ATP10B: variants seen among roughly 807,000 people sequenced by gnomAD.
The protein encoded by ATP10B is phospholipid-transporting ATPase VB.
In ATP10B, 122 loss-of-function variants were observed where a neutral mutation model predicts 141.2. The observed-to-expected ratio is 0.86, with a 90% CI of 0.75 to 1.00. The LOEUF is 1.00. ATP10B is among the 50% of genes least tolerant of loss of function. The probability of loss-of-function intolerance (pLI) is 0.00; values close to 1 mark genes in which losing one functional copy is unlikely to be tolerated. For synonymous variants in ATP10B, 685 were observed against 692.0 expected, an observed-to-expected ratio of 0.99 and a Z score of 0.16; for missense variants, 1,876 against 1,825.3, an observed-to-expected ratio of 1.03 and a Z score of -0.51.
chr5:160,667,484 C>A (rs960524030), intron 7 of ATP10B, among the ~76,000 whole-genome samples: 6 of 152,088 alleles, frequency 3.9e-5, no homozygotes, highest in African/African-American at 1.4e-4. Context: ...ATGAAAAAAA[C>A]ACTCTTGAGC....
intron 2 of ATP10B, among the ~76,000 whole-genome samples, chr5:160,782,327 G>A (rs1052176526): frequency 6.6e-5 from 10 of 151,954 alleles, no homozygotes; most frequent in Admixed American, 4.6e-4. Context: ...CAAATCTAAC[G>A]GTTGTCTGCA....
At chr5:160,721,530 A>G (rs1316792209) in intron 2 of ATP10B, among the ~76,000 whole-genome samples, 1 of 152,170 alleles carries the variant, frequency 6.6e-6, no homozygotes, top group Non-Finnish European at 1.5e-5. Context: ...GCCAGTCATC[A>G]TTATCTTTAA....
intron 1 of ATP10B, among the ~76,000 whole-genome samples, chr5:160,821,397 C>T (rs1433708652): frequency 1.3e-5 from 2 of 151,970 alleles, no homozygotes; most frequent in African/African-American, 4.8e-5. Context: ...ATTCCATGTT[C>T]ATGAATTGGA....
chr5:160,816,828 G>A (rs1266543398), intron 1 of ATP10B, among the ~76,000 whole-genome samples: 1 of 152,132 alleles, frequency 6.6e-6, no homozygotes, highest in Admixed American at 6.5e-5. Context: ...TTCATCCCTG[G>A]GATGCAAGGC....
At chr5:160,596,544 G>A (rs1238349869) in intron 22 of ATP10B, among the ~76,000 whole-genome samples, 1 of 138,340 alleles carries the variant, frequency 7.2e-6, no homozygotes, top group African/African-American at 2.7e-5. Context: ...TCTGGCCAGG[G>A]AAATTAGGCA....
At chr5:160,755,842 T>A (rs6889039) in intron 2 of ATP10B, among the ~76,000 whole-genome samples, 79 of 38,640 alleles carry the variant, frequency 2.0e-3, no homozygotes, top group East Asian at 3.5e-3. Flanking sequence ...AAAAAAAATA[T>A]ATATATATAT....
intron 20 of ATP10B, 21 bp from the exon 21 acceptor site, chr5:160,602,723 C>T (rs1053345275): frequency 6.2e-7 from 1 of 1,613,142 alleles, no homozygotes; most frequent in East Asian, 2.2e-5. Flanking sequence ...AGAACAGACA[C>T]ATCAGCTTCC....
intron 2 of ATP10B, among the ~76,000 whole-genome samples, chr5:160,769,482 C>T (rs17058216): frequency 0.018 from 2,770 of 152,316 alleles, 92 homozygotes; most frequent in African/African-American, 0.063. Context: ...GGCGCCTTTA[C>T]AGCCAATAGC....
intron 1 of ATP10B, among the ~76,000 whole-genome samples, chr5:160,835,906 A>T (rs904470108): frequency 6.6e-6 from 1 of 152,116 alleles, no homozygotes; most frequent in Non-Finnish European, 1.5e-5. Flanking sequence ...GTAATCTTTT[A>T]TAGGGCCCAT....
chr5:160,880,841 AG>A, the ATP10B span, among the ~76,000 whole-genome samples: 1 of 152,230 alleles, frequency 6.6e-6, no homozygotes, highest in Non-Finnish European at 1.5e-5. Context: ...TAAAAATCCT[AG>A]AAAATGTAGG....
At chr5:160,890,186 C>T in the ATP10B span, among the ~76,000 whole-genome samples, 1 of 152,148 alleles carries the variant, frequency 6.6e-6, no homozygotes, top group African/African-American at 2.4e-5. Context: ...AATAAGTAAT[C>T]TAATAGAAGT....
chr5:160,827,349 G>C (rs1321339145), intron 1 of ATP10B, among the ~76,000 whole-genome samples: 1 of 152,092 alleles, frequency 6.6e-6, no homozygotes, highest in Non-Finnish European at 1.5e-5. Context: ...ATTATAACCA[G>C]TCTGACTGGT....
intron 7 of ATP10B, among the ~76,000 whole-genome samples, chr5:160,665,734 T>G (rs144675919): frequency 5.3e-4 from 81 of 152,342 alleles, no homozygotes; most frequent in African/African-American, 1.8e-3. Flanking sequence ...GACTTTGAAT[T>G]ACCCGAATAT....
chr5:160,858,706 C>T, the ATP10B span, among the ~76,000 whole-genome samples: 1 of 151,760 alleles, frequency 6.6e-6, no homozygotes, highest in Non-Finnish European at 1.5e-5. Context: ...TTTTAGAATT[C>T]CATTTTCAGC....
chr5:160,817,599 AT>A (rs1222753351), intron 1 of ATP10B, among the ~76,000 whole-genome samples: 1 of 152,212 alleles, frequency 6.6e-6, no homozygotes, highest in African/African-American at 2.4e-5. Context: ...ATTTTATGCC[AT>A]CCCCATCAAG....
intron 8 of ATP10B, among the ~76,000 whole-genome samples, chr5:160,647,355 G>A (rs112146458): frequency 0.013 from 1,956 of 152,224 alleles, 44 homozygotes; most frequent in African/African-American, 0.045. Flanking sequence ...AGCACAGCAA[G>A]GAATTCTCCT....
the ATP10B span, among the ~76,000 whole-genome samples, chr5:160,868,522 A>ACC: frequency 7.0e-5 from 1 of 14,350 alleles, no homozygotes; most frequent in Admixed American, 5.9e-4. Flanking sequence ...ATGAACAGAT[A>ACC]CACACACACA....
At chr5:160,838,562 A>T (rs1775610120) in intron 1 of ATP10B, among the ~76,000 whole-genome samples, 1 of 152,190 alleles carries the variant, frequency 6.6e-6, no homozygotes, top group Admixed American at 6.5e-5. Flanking sequence ...TCTTTAGTTG[A>T]AAGGACCCAT....
chr5:160,899,308 C>T, the ATP10B span, among the ~76,000 whole-genome samples: 3 of 151,696 alleles, frequency 2.0e-5, no homozygotes, highest in African/African-American at 7.3e-5. Flanking sequence ...ATGATAGGGA[C>T]ATAATACCAA....
Sources: gnomAD v4.1 joint callset for allele counts (sites outside exome capture counted in the v4.1 genomes callset) on GRCh38, gnomAD v4.1.1 for gene constraint, MANE v1.5 for transcripts, NCBI Gene and HGNC (gene_info 2026-07-23, HGNC 2026-07-21) for gene names.